PLEKHG5: variants seen among roughly 807,000 people sequenced by gnomAD.
PLEKHG5 encodes the protein pleckstrin homology domain-containing family G member 5.
A neutral mutation model predicts 103.8 loss-of-function variants in PLEKHG5; 52 were observed. That is an observed-to-expected ratio of 0.50 (90% CI 0.40 to 0.63). PLEKHG5 has a LOEUF of 0.63. Ranked by LOEUF, PLEKHG5 falls within the 30% of genes least tolerant of loss-of-function variation. The probability of loss-of-function intolerance (pLI) is 0.00; values close to 1 mark genes in which losing one functional copy is unlikely to be tolerated. For missense variants in PLEKHG5, 1,205 were observed against 1,347.6 expected, an observed-to-expected ratio of 0.89 and a Z score of 1.66; for synonymous variants, 592 against 575.5, an observed-to-expected ratio of 1.03 and a Z score of -0.41.
intron 19 of PLEKHG5, 69 bp downstream of exon 19, chr1:6,468,973 G>T: frequency 7.7e-7 from 1 of 1,295,174 alleles, no homozygotes. Context: ...GCGTGGCTGG[G>T]CCTTCAGGAG....
At chr1:6,514,887 G>A (rs1312612742) in intron 1 of PLEKHG5, among the ~76,000 whole-genome samples, 1 of 151,630 alleles carries the variant, frequency 6.6e-6, no homozygotes, top group Admixed American at 6.6e-5. Context: ...GGCCAACATA[G>A]TGAAACCCCA....
At chr1:6,485,271 G>A in intron 1 of PLEKHG5, 2 of 1,196,054 alleles carry the variant, frequency 1.7e-6, no homozygotes, top group Non-Finnish European at 1.1e-6. Context: ...CTGGGCGGCT[G>A]CAGGCGAGAA....
intron 1 of PLEKHG5, chr1:6,485,747 G>T: frequency 2.4e-6 from 1 of 423,028 alleles, no homozygotes; most frequent in Non-Finnish European, 3.2e-6. Flanking sequence ...CCCTACCTCT[G>T]CCCGGCCGGG....
chr1:6,484,492 C>T (rs949509114), intron 1 of PLEKHG5, among the ~76,000 whole-genome samples: 3 of 152,186 alleles, frequency 2.0e-5, no homozygotes, highest in Non-Finnish European at 2.9e-5. Context: ...TGGAAGCCCC[C>T]CGGGAGAACC....
At chr1:6,499,505 T>G (rs1360086776), upstream of PLEKHG5, among the ~76,000 whole-genome samples, 1 of 152,202 alleles carries the variant, frequency 6.6e-6, no homozygotes, top group African/African-American at 2.4e-5. Flanking sequence ...TGGGCTCTGC[T>G]CTAAAGCTGC....
upstream of PLEKHG5, among the ~76,000 whole-genome samples, chr1:6,493,884 T>A (rs1645184636): frequency 6.6e-6 from 1 of 152,112 alleles, no homozygotes; most frequent in South Asian, 2.1e-4. Flanking sequence ...AGTCTCGAAC[T>A]CCTGACCTCA....
At chr1:6,475,221 C>G in intron 4 of PLEKHG5, 83 bp from the exon 5 acceptor site, 5 of 748,780 alleles carry the variant, frequency 6.7e-6, no homozygotes, top group Non-Finnish European at 6.9e-6. Flanking sequence ...CCTTCCCACC[C>G]TCCTTCCCAA....
chr1:6,512,817 G>A (rs1049833358), intron 1 of PLEKHG5, among the ~76,000 whole-genome samples: 4 of 152,162 alleles, frequency 2.6e-5, no homozygotes, highest in Non-Finnish European at 5.9e-5. Context: ...AGCTCCTGCC[G>A]GCTGTGCCAT....
chr1:6,509,561 G>T (rs185034724), intron 1 of PLEKHG5, among the ~76,000 whole-genome samples: 1 of 152,218 alleles, frequency 6.6e-6, no homozygotes, highest in Non-Finnish European at 1.5e-5. Flanking sequence ...CTCGGGAGAC[G>T]TAGGCTCTGG....
chr1:6,484,016 C>T (rs1047600994), intron 1 of PLEKHG5, among the ~76,000 whole-genome samples: 2 of 152,200 alleles, frequency 1.3e-5, no homozygotes, highest in Non-Finnish European at 2.9e-5. Context: ...CTGGTCTCAC[C>T]GCAGGTAGGG....
At position 6,467,551 on chromosome 1, in the gene PLEKHG5, G is replaced by A. The variant is rs771326239; in HGVS notation, c.*12C>T. ...CTCTTGGTCAATGGCACTCTTGGGGGCCTCCCTCTGCTCAGACCTCCCTAC... is the reference window on the plus strand; with the variant it reads ...CTCTTGGTCAATGGCACTCTTGGGGACCTCCCTCTGCTCAGACCTCCCTAC... On this transcript the variant is annotated 3_prime_UTR_variant, in exon 21 of 21. Transcript: ENST00000377728. The A allele has an allele frequency of 1.3e-4, 210 of 1,613,062 alleles. 2 individuals are homozygous for A. In the Middle Eastern group the frequency reaches 6.6e-3, roughly 51 times the overall value.
At position 6,490,102 on chromosome 1, in the gene PLEKHG5, G is replaced by A. The variant is rs1007297020; in HGVS notation, c.-88+1535C>T. On this transcript the variant is annotated intron_variant, in intron 1 of 20. Transcript: ENST00000377728. This position sits in a 1 kb window ranked among gnomAD's most constrained non-coding sequence, Gnocchi z 8.0. ...GGACCGACTCCGGGACTGGCCAGAT[G>A]GGGAGGATCGGCTGAGCCTCCCAGC... Among the ~76,000 whole-genome samples, 1 of 152,122 alleles carries A rather than the reference G, an allele frequency of 6.6e-6. No homozygotes were observed. Among genetic ancestry groups the A allele is most frequent in the African/African-American group, 2.4e-5 (1 of 41,428 alleles).
chr1:6,492,689 G>C (rs1645168421), upstream of PLEKHG5, among the ~76,000 whole-genome samples: 1 of 152,180 alleles, frequency 6.6e-6, no homozygotes. Flanking sequence ...TTATTTTCCA[G>C]ATGAGGAACC....
At chr1:6,471,964 C>T (rs1343573874) in intron 10 of PLEKHG5, among the ~76,000 whole-genome samples, 156 bp from the exon 11 acceptor site, 1 of 152,230 alleles carries the variant, frequency 6.6e-6, no homozygotes, top group Non-Finnish European at 1.5e-5. Flanking sequence ...TTGGCCTTCG[C>T]ACCTGGGTAG....
In PLEKHG5 at chr1:6,471,773, T is replaced by A; in HGVS notation, c.1116A>T (p.Ser372=). The change falls in exon 11 of 21, where the codon TCA becomes TCT. Residue 372 remains serine (S), a synonymous_variant. Transcript: ENST00000377728. ...CCCAGCGCACCTCACACAGCAGCCCTGACTCTTGCAGGTTCAGGAGGCAGC... is the reference window on the plus strand; with the variant it reads ...CCCAGCGCACCTCACACAGCAGCCCAGACTCTTGCAGGTTCAGGAGGCAGC... ...FLCCLLNLQE[S]GLLCEVEAER... The A allele has an allele frequency of 6.2e-7, 1 of 1,609,968 alleles. No homozygotes were observed. The highest frequency in any genetic ancestry group is 8.5e-7 in the Non-Finnish European group (1 of 1,178,412).
chr1:6,516,437 A>G (rs1202284770), intron 1 of PLEKHG5, among the ~76,000 whole-genome samples: 21 of 152,268 alleles, frequency 1.4e-4, no homozygotes, highest in South Asian at 2.1e-4. Context: ...AGGGTGGATC[A>G]CCTGAGGTCA....
At position 6,505,770 on chromosome 1, in the gene PLEKHG5, C is replaced by T. The variant is rs1428855060; in HGVS notation, c.-164-9201G>A. ...GGCCTGAAGCCCAGTGCAGGGCCCACGCTGCCCAGCCAGGCCAGCCCTGGA... is the reference window on the plus strand; with the variant it reads ...GGCCTGAAGCCCAGTGCAGGGCCCATGCTGCCCAGCCAGGCCAGCCCTGGA... On this transcript the variant is annotated intron_variant, in intron 1 of 21. Transcript: ENST00000377740. The surrounding 1 kb of genome is among the most constrained non-coding windows in gnomAD (Gnocchi z 4.2). Among the ~76,000 whole-genome samples the T allele has an allele frequency of 1.3e-5, 2 of 152,226 alleles. No homozygotes were observed. The highest frequency in any genetic ancestry group is 1.9e-4 in the East Asian group (1 of 5,186).
chr1:6,492,328 G>A (rs1396893313), upstream of PLEKHG5, among the ~76,000 whole-genome samples: 1 of 152,096 alleles, frequency 6.6e-6, no homozygotes, highest in Non-Finnish European at 1.5e-5. Flanking sequence ...GACCTGGGAC[G>A]CCCTGACTAG....
upstream of PLEKHG5, among the ~76,000 whole-genome samples, chr1:6,494,012 C>T (rs985169735): frequency 2.6e-5 from 4 of 151,846 alleles, no homozygotes; most frequent in Admixed American, 2.6e-4. Context: ...AGTGCAGTGG[C>T]ACAATCACGG....
Sources: gnomAD v4.1 joint callset for allele counts (sites outside exome capture counted in the v4.1 genomes callset) on GRCh38, gnomAD v4.1.1 for gene constraint, Gnocchi (gnomAD v3.1) non-coding constraint, MANE v1.5 for transcripts, NCBI Gene and HGNC (gene_info 2026-07-23, HGNC 2026-07-21) for gene names.